The following PDE4D variants were observed in gnomAD, a reference collection of about 807,000 sequenced individuals.
The protein encoded by PDE4D is phosphodiesterase 4D.
Under a neutral mutation model 87.4 loss-of-function variants are expected in PDE4D, and 24 were observed. The observed-to-expected ratio is 0.27, with a 90% CI of 0.20 to 0.39. PDE4D has a LOEUF of 0.39. Among genes scored for constraint, PDE4D ranks in the 10% least tolerant of loss-of-function variants. The pLI is 1.00. For missense variants in PDE4D, 714 were observed against 1,041.0 expected, an observed-to-expected ratio of 0.69 and a Z score of 4.32; for synonymous variants, 384 against 383.2, an observed-to-expected ratio of 1.00 and a Z score of -0.02.
intron 1 of PDE4D, among the ~76,000 whole-genome samples, chr5:60,304,442 G>A (rs553784059): frequency 3.3e-5 from 5 of 151,448 alleles, no homozygotes; most frequent in Non-Finnish European, 7.4e-5. Context: ...TCAGGAGATC[G>A]AGACCATCCT....
chr5:60,239,990 G>T (rs1246685488), intron 1 of PDE4D, among the ~76,000 whole-genome samples: 1 of 151,974 alleles, frequency 6.6e-6, no homozygotes, highest in Non-Finnish European at 1.5e-5. Context: ...TTCTTCTCTT[G>T]TTCCAGATGT....
At chr5:60,240,655 C>G (rs1303681011) in intron 1 of PDE4D, among the ~76,000 whole-genome samples, 2 of 152,158 alleles carry the variant, frequency 1.3e-5, no homozygotes, top group Admixed American at 1.3e-4. Flanking sequence ...CACCCCACCC[C>G]TAGCCCTAGG....
intron 1 of PDE4D, among the ~76,000 whole-genome samples, chr5:60,194,231 T>C (rs1263707242): frequency 6.6e-6 from 1 of 151,614 alleles, no homozygotes; most frequent in Non-Finnish European, 1.5e-5. Flanking sequence ...CTTCCACACT[T>C]AAACTACTTT....
intron 1 of PDE4D, among the ~76,000 whole-genome samples, chr5:60,233,526 T>G (rs1031486539): frequency 6.6e-6 from 1 of 151,708 alleles, no homozygotes; most frequent in African/African-American, 2.4e-5. Context: ...TTAAAGATAT[T>G]ACAAAATAAC....
chr5:60,325,825 C>G (rs1756732216), intron 1 of PDE4D, among the ~76,000 whole-genome samples: 1 of 151,742 alleles, frequency 6.6e-6, no homozygotes, highest in African/African-American at 2.4e-5. Context: ...TCCTTCCCTT[C>G]TTAATCCCTA....
intron 2 of PDE4D, among the ~76,000 whole-genome samples, chr5:60,161,990 A>C (rs1782506853): frequency 1.3e-5 from 2 of 152,076 alleles, no homozygotes; most frequent in African/African-American, 4.8e-5. Flanking sequence ...TGCGTCCACC[A>C]CCAAAAGCAT....
At chr5:59,468,791 G>A (rs979889242) in intron 1 of PDE4D, among the ~76,000 whole-genome samples, 1 of 152,078 alleles carries the variant, frequency 6.6e-6, no homozygotes, top group African/African-American at 2.4e-5. Context: ...ATCATTATGA[G>A]CCAGAAGACT....
At chr5:60,408,933 A>G (rs1741808150) in intron 1 of PDE4D, among the ~76,000 whole-genome samples, 1 of 152,228 alleles carries the variant, frequency 6.6e-6, no homozygotes, top group Non-Finnish European at 1.5e-5. Flanking sequence ...CTGAAATAAG[A>G]TAGCATTCAG....
intron 1 of PDE4D, among the ~76,000 whole-genome samples, chr5:59,252,447 T>C (rs1160165865): frequency 6.6e-6 from 1 of 152,128 alleles, no homozygotes; most frequent in Non-Finnish European, 1.5e-5. Context: ...GTGTAATTGT[T>C]TTCCCCTCCA....
chr5:60,521,657 TA>T (rs1206023018), intron 1 of PDE4D: 1 of 151,970 alleles, frequency 6.6e-6, no homozygotes, highest in Non-Finnish European at 1.5e-5. Flanking sequence ...AGCATCCTTT[TA>T]AATTATAAAC....
chr5:59,052,276 T>A (rs571198654), intron 5 of PDE4D, among the ~76,000 whole-genome samples: 1 of 152,246 alleles, frequency 6.6e-6, no homozygotes, highest in South Asian at 2.1e-4. Context: ...AGACTGTGGT[T>A]TTAATGGCTG....
intron 5 of PDE4D, among the ~76,000 whole-genome samples, chr5:59,143,129 A>C (rs745671048): frequency 3.4e-4 from 46 of 135,348 alleles, no homozygotes; most frequent in Non-Finnish European, 4.8e-4. Flanking sequence ...TCCTTCCCTT[A>C]CTTCCTGCCT....
At chr5:60,426,836 A>G (rs1055442153) in intron 1 of PDE4D, among the ~76,000 whole-genome samples, 1 of 152,218 alleles carries the variant, frequency 6.6e-6, no homozygotes, top group Non-Finnish European at 1.5e-5. Context: ...AATGACAGGA[A>G]ATATGATCTC....
chr5:60,078,354 A>G (rs1327591032), intron 2 of PDE4D, among the ~76,000 whole-genome samples: 1 of 151,834 alleles, frequency 6.6e-6, no homozygotes. Flanking sequence ...GTTGTATCCC[A>G]TATGTTTTGG....
intron 5 of PDE4D, among the ~76,000 whole-genome samples, chr5:59,138,973 G>A (rs577130115): frequency 6.6e-6 from 1 of 152,262 alleles, no homozygotes; most frequent in Non-Finnish European, 1.5e-5. Flanking sequence ...TATCTCAAGG[G>A]GCAAGTAGGT....
At chr5:59,982,434 T>C (rs1762018317) in intron 3 of PDE4D, among the ~76,000 whole-genome samples, 2 of 152,166 alleles carry the variant, frequency 1.3e-5, no homozygotes, top group Admixed American at 1.3e-4. Flanking sequence ...ACCTGTGAAC[T>C]GGGAATGATT....
chr5:60,408,094 G>A (rs1411904408), intron 1 of PDE4D, among the ~76,000 whole-genome samples: 1 of 152,114 alleles, frequency 6.6e-6, no homozygotes, highest in Admixed American at 6.5e-5. Flanking sequence ...CTGATCACCA[G>A]ACATGTGAGG....
At chr5:60,292,210 T>C (rs1752958687) in intron 1 of PDE4D, among the ~76,000 whole-genome samples, 1 of 152,196 alleles carries the variant, frequency 6.6e-6, no homozygotes, top group African/African-American at 2.4e-5. Context: ...TTTCCAATAA[T>C]ACCATGCAGC....
chr5:59,378,341 T>C (rs1377102875), intron 1 of PDE4D, among the ~76,000 whole-genome samples: 1 of 152,086 alleles, frequency 6.6e-6, no homozygotes, highest in Non-Finnish European at 1.5e-5. Context: ...GGCTTAATAC[T>C]TGGGTGACAA....
Sources: gnomAD v4.1 joint callset for allele counts (sites outside exome capture counted in the v4.1 genomes callset) on GRCh38, gnomAD v4.1.1 for gene constraint, MANE v1.5 for transcripts, NCBI Gene and HGNC (gene_info 2026-07-23, HGNC 2026-07-21) for gene names.